Variants in CDKL4 observed in about 807,000 individuals in gnomAD.
CDKL4 encodes the protein cyclin-dependent kinase-like 4.
In CDKL4, 44 loss-of-function variants were observed where a neutral mutation model predicts 42.0. That is an observed-to-expected ratio of 1.05 (90% CI 0.82 to 1.35). The LOEUF (loss-of-function observed/expected upper bound fraction) is 1.35. Among genes scored for constraint, CDKL4 ranks in the 40% most tolerant of loss-of-function variants. The pLI is 0.00. For missense variants in CDKL4, 393 were observed against 369.9 expected, an observed-to-expected ratio of 1.06 and a Z score of -0.51; for synonymous variants, 120 against 121.6, an observed-to-expected ratio of 0.99 and a Z score of 0.09.
intron 5 of CDKL4, among the ~76,000 whole-genome samples, chr2:39,198,962 C>G (rs1676683369): frequency 6.6e-6 from 1 of 151,586 alleles, no homozygotes; most frequent in Non-Finnish European, 1.5e-5. Flanking sequence ...GTAAACCCAG[C>G]AGAAGAAAAG....
intron 3 of CDKL4, among the ~76,000 whole-genome samples, chr2:39,223,548 AT>A (rs1166025350): frequency 7.4e-6 from 1 of 135,970 alleles, no homozygotes; most frequent in African/African-American, 2.8e-5. Context: ...AAGGATAAGC[AT>A]GTTTTCTTAG....
intron 4 of CDKL4, among the ~76,000 whole-genome samples, chr2:39,210,138 G>T (rs1380358514): frequency 6.6e-6 from 1 of 152,020 alleles, no homozygotes; most frequent in Non-Finnish European, 1.5e-5. Flanking sequence ...TTACAGGCAT[G>T]CATTGCCATG....
In CDKL4 at chr2:39,239,483, A is replaced by T. The variant is rs114942560; in HGVS notation, c.-57+4388T>A. ...ATCTGATAAAATATTTGTATCCAGA[A>T]TACATAGAGAGCATGCTTACAACTC... On this transcript the variant is annotated intron_variant, in intron 1 of 9. Transcript: ENST00000451199. 4.1e-3 allele frequency among the ~76,000 whole-genome samples: 622 copies of T among 152,352 alleles called. 5 individuals carry two copies. Among genetic ancestry groups the T allele is most frequent in the African/African-American group, 0.014 (592 of 41,582 alleles).
exon 4 of CDKL4, chr2:39,213,460 T>C: frequency 6.2e-7 from 1 of 1,609,754 alleles, no homozygotes; most frequent in South Asian, 1.1e-5. Flanking sequence ...TTTTGATCAC[T>C]CCATCAGCAA....
At chr2:39,224,746 C>A (rs1678589509) in intron 3 of CDKL4, among the ~76,000 whole-genome samples, 2 of 152,030 alleles carry the variant, frequency 1.3e-5, no homozygotes, top group African/African-American at 4.8e-5. Flanking sequence ...TCAAGTGATC[C>A]ACCTGCCTCA....
intron 7 of CDKL4, among the ~76,000 whole-genome samples, chr2:39,186,349 T>C (rs1000024302): frequency 1.3e-5 from 2 of 152,216 alleles, no homozygotes; most frequent in Admixed American, 6.5e-5. Context: ...ACATCTATCA[T>C]AGATCATGAT....
downstream of CDKL4, among the ~76,000 whole-genome samples, chr2:39,175,184 A>C (rs1273871559): frequency 6.6e-6 from 1 of 152,176 alleles, no homozygotes; most frequent in Non-Finnish European, 1.5e-5. Flanking sequence ...AAATGTTTGC[A>C]AGAGAGTACT....
intron 2 of CDKL4, among the ~76,000 whole-genome samples, chr2:39,228,227 C>T (rs559552627): frequency 6.8e-4 from 103 of 152,266 alleles, no homozygotes; most frequent in South Asian, 3.5e-3. Context: ...TCAGACCCGC[C>T]CTGCAGCTTA....
chr2:39,217,040 C>A (rs557794893), intron 3 of CDKL4, among the ~76,000 whole-genome samples: 1 of 152,026 alleles, frequency 6.6e-6, no homozygotes, highest in East Asian at 1.9e-4. Context: ...CACCACAGAT[C>A]GTGCAAAGAG....
chr2:39,212,355 T>C (rs929426838), intron 4 of CDKL4, among the ~76,000 whole-genome samples: 1 of 151,374 alleles, frequency 6.6e-6, no homozygotes, highest in African/African-American at 2.4e-5. Context: ...TGCCTCAGCC[T>C]CCCGAGTAGC....
rs111737077 is a variant in CDKL4, at chr2:39,235,505, G to C, written c.-56-5917C>G. On this transcript the variant is annotated intron_variant, in intron 1 of 9. Coordinates refer to ENST00000451199, the Ensembl canonical transcript of CDKL4. ...TAAAAAATGCCATTAATCTACTTAGGAGGCTGAGGCCTGAGGATTGATTGA... is the reference window on the plus strand; with the variant it reads ...TAAAAAATGCCATTAATCTACTTAGCAGGCTGAGGCCTGAGGATTGATTGA... Among the ~76,000 whole-genome samples the C allele has an allele frequency of 3.0e-3, 454 of 152,304 alleles. 5 individuals are homozygous for C. Among genetic ancestry groups the C allele is most frequent in the African/African-American group, 0.011 (438 of 41,576 alleles).
chr2:39,225,732 G>A, intron 3 of CDKL4, 107 bp downstream of exon 3: 2 of 1,114,240 alleles, frequency 1.8e-6, no homozygotes, highest in Non-Finnish European at 2.5e-6. Context: ...GATGCATTGT[G>A]GTAGAAAGGG....
chr2:39,218,846 T>C (rs1678118486), intron 3 of CDKL4, among the ~76,000 whole-genome samples: 1 of 152,184 alleles, frequency 6.6e-6, no homozygotes, highest in East Asian at 1.9e-4. Context: ...AGATGGCAGA[T>C]TGTGGAACTT....
Position 39,221,363 on chromosome 2 carries a change from C to T in CDKL4, c.290+4476G>A, listed in dbSNP as rs538097728. Among the ~76,000 whole-genome samples, 150 of 152,158 alleles carry T rather than the reference C, an allele frequency of 9.9e-4. 1 individual carries two copies. Among genetic ancestry groups the T allele is most frequent in the African/African-American group, 3.4e-3 (141 of 41,538 alleles). ...CACCAGTTATTTATCCTACGTGTTTCCTCTAGTAAACAATAGTCCAAAAGG... is the reference window on the plus strand; with the variant it reads ...CACCAGTTATTTATCCTACGTGTTTTCTCTAGTAAACAATAGTCCAAAAGG... On this transcript the variant is annotated intron_variant, in intron 3 of 9. Transcript: ENST00000451199.
exon 2 of CDKL4, chr2:39,229,465 TTTCTGC>T: frequency 2.5e-6 from 4 of 1,613,668 alleles, no homozygotes; most frequent in Non-Finnish European, 3.4e-6. Flanking sequence ...AGAGGTTTTG[TTTCTGC>T]ATTTGAATAC....
chr2:39,244,444 G>T (rs1285281474), upstream of CDKL4, among the ~76,000 whole-genome samples: 1 of 152,248 alleles, frequency 6.6e-6, no homozygotes, highest in Non-Finnish European at 1.5e-5. Flanking sequence ...AGGTGTAATG[G>T]GTCCCCCAGC....
intron 1 of CDKL4, among the ~76,000 whole-genome samples, chr2:39,233,277 A>C (rs1295094608): frequency 6.6e-6 from 1 of 152,036 alleles, no homozygotes; most frequent in African/African-American, 2.4e-5. Context: ...AAATACCCTA[A>C]GTGTGTCCTG....
intron 5 of CDKL4, among the ~76,000 whole-genome samples, chr2:39,195,039 G>A (rs1676428628): frequency 6.6e-6 from 1 of 152,086 alleles, no homozygotes; most frequent in African/African-American, 2.4e-5. Context: ...ATTCTAGGTA[G>A]AGCACGTAAA....
downstream of CDKL4, among the ~76,000 whole-genome samples, chr2:39,170,737 G>A (rs1481243176): frequency 6.6e-6 from 1 of 152,186 alleles, no homozygotes; most frequent in Middle Eastern, 3.4e-3. Context: ...TTACAGATGT[G>A]AGTCACCACA....
Sources: gnomAD v4.1 joint callset for allele counts (sites outside exome capture counted in the v4.1 genomes callset) on GRCh38, gnomAD v4.1.1 for gene constraint, MANE v1.5 for transcripts, NCBI Gene and HGNC (gene_info 2026-07-23, HGNC 2026-07-21) for gene names.